Variants in VPS13B observed in about 807,000 individuals in gnomAD.
The protein encoded by VPS13B is intermembrane lipid transfer protein VPS13B.
Under a neutral mutation model 426.4 loss-of-function variants are expected in VPS13B, and 285 were observed. The observed-to-expected ratio is 0.67, with a 90% CI of 0.61 to 0.74. The LOEUF is 0.74. VPS13B is among the 30% of genes least tolerant of loss of function. The pLI is 0.00. For synonymous variants in VPS13B, 1,676 were observed against 1,676.4 expected (o/e 1.00, Z 0.01); for missense variants, 4,537 against 4,782.6 (o/e 0.95, Z 1.51).
rs201973611 is a variant in VPS13B, at chr8:99,431,529, G to A, written c.3083-8G>A. 1.8e-4 allele frequency: 293 copies of A among 1,612,860 alleles called. 1 individual carries two copies. Among genetic ancestry groups the A allele is most frequent in the Middle Eastern group, 5.0e-4 (3 of 6,052 alleles). On this transcript the variant is annotated splice_region_variant and splice_polypyrimidine_tract_variant and intron_variant, in intron 21 of 61. Transcript: ENST00000357162. ...TTCTATTAAATAATTAGCTATTCTC[G>A]TACTCAGAATCCCGCCCATTGTCAG...
intron 19 of VPS13B, among the ~76,000 whole-genome samples, chr8:99,299,052 CTTTTTTT>C (rs11302301): frequency 3.6e-5 from 2 of 55,026 alleles, no homozygotes; most frequent in African/African-American, 8.6e-5. Context: ...TATTCCACCA[CTTTTTTT>C]TTTTTTTTTT....
rs1040810630 is a variant in VPS13B, at chr8:99,539,526, G to C, written c.4746-16924G>C. On this transcript the variant is annotated intron_variant, in intron 30 of 61. Coordinates refer to ENST00000357162, the MANE Select transcript of VPS13B (RefSeq NM_152564.5). ...TTTGGGAGGCCAAGGTGGGAGTATT[G>C]TTTGAGGCCAGGGGTTTGATACCAA... 2.0e-5 allele frequency among the ~76,000 whole-genome samples: 3 copies of C among 152,086 alleles called. No individual in the cohort carries two copies. The South Asian group carries it at 6.2e-4, about 31-fold the overall frequency.
intron 16 of VPS13B, among the ~76,000 whole-genome samples, chr8:99,191,646 T>G (rs897060686): frequency 6.6e-6 from 1 of 151,814 alleles, no homozygotes; most frequent in African/African-American, 2.4e-5. Flanking sequence ...CCTCCCAGAG[T>G]GCTGGGATTA....
At chr8:99,875,066 G>T in intron 61 of VPS13B, 1 of 336,322 alleles carries the variant, frequency 3.0e-6, no homozygotes, top group Non-Finnish European at 5.7e-6. Context: ...GTGGAGGAAA[G>T]ATTTTTCTCC....
intron 30 of VPS13B, among the ~76,000 whole-genome samples, chr8:99,529,356 T>C (rs1370565686): frequency 6.6e-6 from 1 of 152,190 alleles, no homozygotes; most frequent in Non-Finnish European, 1.5e-5. Context: ...TGTGGTCATC[T>C]TTCAGTGTAA....
intron 36 of VPS13B, 32 bp downstream of exon 36, chr8:99,699,964 G>T: frequency 6.2e-7 from 1 of 1,606,914 alleles, no homozygotes; most frequent in South Asian, 1.1e-5. Flanking sequence ...GGGGGAGACA[G>T]AACAAGTAAG....
chr8:99,424,887 C>A (rs1179579103), intron 21 of VPS13B, among the ~76,000 whole-genome samples: 1 of 152,124 alleles, frequency 6.6e-6, no homozygotes, highest in African/African-American at 2.4e-5. Flanking sequence ...AGGGGTATCA[C>A]CACCGATCCC....
chr8:99,606,085 G>A lies in VPS13B; in HGVS notation c.5220+28452G>A, dbSNP rs964684413. 6.6e-5 allele frequency among the ~76,000 whole-genome samples: 10 copies of A among 151,358 alleles called. No individual in the cohort carries two copies. The East Asian group carries it at 1.4e-3, about 21-fold the overall frequency. Reference sequence around the variant, plus strand: ...TAATTTTTGTATTATTTTTTTTTTCGGTAGATACGGGGTTTTGCCATGTTG... The same window carrying A: ...TAATTTTTGTATTATTTTTTTTTTCAGTAGATACGGGGTTTTGCCATGTTG... On this transcript the variant is annotated intron_variant, in intron 33 of 61. Coordinates refer to ENST00000357162, the MANE Select transcript of VPS13B (RefSeq NM_152564.5).
intron 8 of VPS13B, among the ~76,000 whole-genome samples, chr8:99,129,563 T>C (rs2132540805): frequency 7.5e-6 from 1 of 132,708 alleles, no homozygotes; most frequent in African/African-American, 2.9e-5. Context: ...CAAGACTGTG[T>C]CTCCTTAAAA....
chr8:99,209,695 C>G, intron 17 of VPS13B: 1 of 992,814 alleles, frequency 1.0e-6, no homozygotes. Flanking sequence ...GCCCAAGCCA[C>G]TGTGCCTGGC....
intron 21 of VPS13B, among the ~76,000 whole-genome samples, chr8:99,411,932 A>G (rs1815689641): frequency 6.6e-6 from 1 of 152,152 alleles, no homozygotes; most frequent in Non-Finnish European, 1.5e-5. Context: ...TACCAGCACC[A>G]TGCTGTTTGG....
chr8:99,667,197 C>T (rs1830522829), intron 35 of VPS13B, among the ~76,000 whole-genome samples: 1 of 152,144 alleles, frequency 6.6e-6, no homozygotes, highest in Non-Finnish European at 1.5e-5. Flanking sequence ...AAAGTCATGT[C>T]TAAAAAGCTC....
At chr8:99,241,037 A>G (rs1440768158) in intron 17 of VPS13B, 1 of 152,262 alleles carries the variant, frequency 6.6e-6, no homozygotes, top group African/African-American at 2.4e-5. Flanking sequence ...CAAATAAGGA[A>G]GTTTCTGTTT....
chr8:99,864,565 A>G (rs532133535), intron 58 of VPS13B, among the ~76,000 whole-genome samples: 4 of 152,184 alleles, frequency 2.6e-5, no homozygotes, highest in Admixed American at 6.5e-5. Context: ...AAATAATAAT[A>G]GTAATAATAA....
intron 58 of VPS13B, among the ~76,000 whole-genome samples, chr8:99,865,862 C>T (rs1817071137): frequency 1.3e-5 from 2 of 152,218 alleles, no homozygotes; most frequent in South Asian, 2.1e-4. Context: ...AGACACATCA[C>T]CAGGAACTTC....
intron 56 of VPS13B, among the ~76,000 whole-genome samples, chr8:99,855,716 T>G (rs1484587974): frequency 1.3e-5 from 2 of 152,220 alleles, no homozygotes. Flanking sequence ...AGATTACATT[T>G]TCTCCATAAT....
chr8:99,257,068 T>G (rs1332217907), intron 17 of VPS13B, among the ~76,000 whole-genome samples: 1 of 152,178 alleles, frequency 6.6e-6, no homozygotes, highest in Non-Finnish European at 1.5e-5. Flanking sequence ...GAATCAAAGT[T>G]AGCACCACAC....
At chr8:99,022,343 T>C (rs1373571549) in intron 2 of VPS13B, among the ~76,000 whole-genome samples, 1 of 152,090 alleles carries the variant, frequency 6.6e-6, no homozygotes, top group Non-Finnish European at 1.5e-5. Flanking sequence ...AATTTTATAA[T>C]TTCCATTTTG....
At chr8:99,407,197 G>A (rs143591738) in intron 21 of VPS13B, among the ~76,000 whole-genome samples, 8 of 152,196 alleles carry the variant, frequency 5.3e-5, no homozygotes, top group Admixed American at 3.9e-4. Context: ...CAACAAATTG[G>A]TAGCCAGGGA....
Sources: gnomAD v4.1 joint callset for allele counts (sites outside exome capture counted in the v4.1 genomes callset) on GRCh38, gnomAD v4.1.1 for gene constraint, MANE v1.5 for transcripts, NCBI Gene and HGNC (gene_info 2026-07-23, HGNC 2026-07-21) for gene names.